OSBPL10: variants seen among roughly 807,000 people sequenced by gnomAD.
OSBPL10 encodes the protein oxysterol binding protein like 10.
OSBPL10 carries 49 observed loss-of-function variants against 81.7 expected under a neutral mutation model. The observed-to-expected ratio is 0.60, with a 90% CI of 0.48 to 0.76. OSBPL10 has a LOEUF of 0.76. Ranked by LOEUF, OSBPL10 falls within the 30% of genes least tolerant of loss-of-function variation. The pLI, the probability that OSBPL10 is intolerant of heterozygous loss-of-function variation, is 0.00. For synonymous variants in OSBPL10, 419 were observed against 383.6 expected, an observed-to-expected ratio of 1.09 and a Z score of -1.08; for missense variants, 923 against 987.8, an observed-to-expected ratio of 0.93 and a Z score of 0.88.
chr3:31,846,640 A>T (rs149958939), intron 3 of OSBPL10, among the ~76,000 whole-genome samples: 256 of 12,116 alleles, frequency 0.021, no homozygotes, highest in Middle Eastern at 0.056. Flanking sequence ...CTCAATAAAT[A>T]AATAAATAAA....
intron 4 of OSBPL10, among the ~76,000 whole-genome samples, chr3:31,816,921 T>C (rs901074551): frequency 1.9e-4 from 29 of 152,078 alleles, no homozygotes; most frequent in African/African-American, 6.8e-4. Flanking sequence ...CTGCAACTAG[T>C]TGTTCCATCA....
At chr3:31,881,175 T>G (rs1321616415) in intron 1 of OSBPL10, among the ~76,000 whole-genome samples, 2 of 152,120 alleles carry the variant, frequency 1.3e-5, no homozygotes, top group African/African-American at 4.8e-5. Context: ...ATTCAATGAC[T>G]GGTTTCCCCA....
chr3:31,955,085 T>C (rs1459891161), intron 1 of OSBPL10, among the ~76,000 whole-genome samples: 2 of 152,222 alleles, frequency 1.3e-5, no homozygotes, highest in East Asian at 1.9e-4. Flanking sequence ...GGTAAGCTAA[T>C]TGCTAAGAAA....
intron 6 of OSBPL10, among the ~76,000 whole-genome samples, chr3:31,724,138 C>T (rs897668386): frequency 3.9e-5 from 6 of 152,040 alleles, no homozygotes; most frequent in Non-Finnish European, 5.9e-5. Context: ...CAAAAATGAA[C>T]GGAAAAGAGA....
At chr3:31,914,506 C>T (rs1696690066) in intron 1 of OSBPL10, among the ~76,000 whole-genome samples, 1 of 152,136 alleles carries the variant, frequency 6.6e-6, no homozygotes, top group Admixed American at 6.5e-5. Context: ...CAGTATATCT[C>T]ATGTGACTAG....
At chr3:31,700,180 T>G (rs1352152509) in intron 7 of OSBPL10, 1 of 152,214 alleles carries the variant, frequency 6.6e-6, no homozygotes, top group African/African-American at 2.4e-5. Context: ...GAAACGTTAT[T>G]CTTTCAGGTA....
At chr3:31,781,786 A>G (rs960962762) in intron 4 of OSBPL10, among the ~76,000 whole-genome samples, 8 of 152,208 alleles carry the variant, frequency 5.3e-5, no homozygotes, top group African/African-American at 1.9e-4. Flanking sequence ...ACTAGAGAAC[A>G]CTGCTGAAAG....
intron 4 of OSBPL10, among the ~76,000 whole-genome samples, chr3:31,759,908 C>T (rs1697983403): frequency 6.6e-6 from 1 of 152,060 alleles, no homozygotes; most frequent in Non-Finnish European, 1.5e-5. Context: ...TACAGGCATA[C>T]ACCACAACAC....
At chr3:32,022,464 C>T (rs1370042696) in intron 2 of OSBPL10, among the ~76,000 whole-genome samples, 1 of 152,084 alleles carries the variant, frequency 6.6e-6, no homozygotes, top group African/African-American at 2.4e-5. Flanking sequence ...GAAGTAGAGG[C>T]CCATAGGTCA....
chr3:31,719,232 T>G (rs1275694694), intron 6 of OSBPL10, among the ~76,000 whole-genome samples: 1 of 152,148 alleles, frequency 6.6e-6, no homozygotes, highest in Non-Finnish European at 1.5e-5. Flanking sequence ...GAGAAAAAAT[T>G]TTACAGTGGG....
intron 2 of OSBPL10, among the ~76,000 whole-genome samples, chr3:32,044,462 T>A (rs1699605667): frequency 6.7e-6 from 1 of 150,192 alleles, no homozygotes; most frequent in Non-Finnish European, 1.5e-5. Context: ...TGAATCCTGG[T>A]CGGGTGCTGT....
At chr3:31,764,174 CA>C (rs1160110258) in intron 4 of OSBPL10, among the ~76,000 whole-genome samples, 1 of 152,248 alleles carries the variant, frequency 6.6e-6, no homozygotes, top group Non-Finnish European at 1.5e-5. Flanking sequence ...CTGCTCTGAG[CA>C]TGCACTTTTA....
chr3:32,041,980 G>T lies in OSBPL10; in HGVS notation n.298+4511C>A, dbSNP rs4380450. 5.4e-3 allele frequency among the ~76,000 whole-genome samples: 818 copies of T among 152,206 alleles called. 22 individuals carry two copies. The East Asian group carries it at 0.089, about 16-fold the overall frequency. ...TGGCTGAGTTTCTGAAACTAGTGTA[G>T]AAAATACCATGCAGCTTCCACCTGG... On this transcript the variant is annotated intron_variant and non_coding_transcript_variant, in intron 2 of 3. Transcript: ENST00000479173.
chr3:31,845,782 G>A (rs1037580595), intron 3 of OSBPL10, among the ~76,000 whole-genome samples: 18 of 152,124 alleles, frequency 1.2e-4, no homozygotes, highest in African/African-American at 1.9e-4. Flanking sequence ...TGGGCAAACC[G>A]ATGCTTTTCA....
At chr3:31,993,681 TACACAC>T (rs139678560) in intron 2 of OSBPL10, among the ~76,000 whole-genome samples, 5 of 147,312 alleles carry the variant, frequency 3.4e-5, no homozygotes, top group African/African-American at 1.3e-4. Context: ...TACACACACA[TACACAC>T]ACACACACAC....
At chr3:31,827,480 C>CA (rs1700128698) in intron 4 of OSBPL10, among the ~76,000 whole-genome samples, 1 of 151,878 alleles carries the variant, frequency 6.6e-6, no homozygotes, top group African/African-American at 2.4e-5. Context: ...ACCAAAAATA[C>CA]AAAAAATTAG....
At chr3:31,918,025 A>G (rs1161403775) in intron 1 of OSBPL10, among the ~76,000 whole-genome samples, 2 of 152,170 alleles carry the variant, frequency 1.3e-5, no homozygotes, top group Non-Finnish European at 2.9e-5. Context: ...TTACTACTTT[A>G]TAAATAAAAA....
intron 4 of OSBPL10, among the ~76,000 whole-genome samples, chr3:31,785,019 G>A (rs1698826782): frequency 6.6e-6 from 1 of 151,942 alleles, no homozygotes; most frequent in Admixed American, 6.6e-5. Flanking sequence ...TGAGTAGCTG[G>A]AATTATAGGT....
intron 7 of OSBPL10, among the ~76,000 whole-genome samples, chr3:31,685,766 CACAG>C (rs1700777993): frequency 1.3e-5 from 2 of 152,200 alleles, no homozygotes; most frequent in Non-Finnish European, 2.9e-5. Context: ...CACACAGGCT[CACAG>C]ATCTGTAACC....
Sources: gnomAD v4.1 joint callset for allele counts (sites outside exome capture counted in the v4.1 genomes callset) on GRCh38, gnomAD v4.1.1 for gene constraint, MANE v1.5 for transcripts, NCBI Gene and HGNC (gene_info 2026-07-23, HGNC 2026-07-21) for gene names.